Variants in SERPINA12 observed in about 807,000 individuals in gnomAD.
SERPINA12 encodes serpin family A member 12.
In SERPINA12, 21 loss-of-function variants were observed where a neutral mutation model predicts 25.9. The observed-to-expected ratio is 0.81, with a 90% CI of 0.58 to 1.17. The LOEUF is 1.17. Among genes scored for constraint, SERPINA12 ranks in the 50% most tolerant of loss-of-function variants. SERPINA12 has a pLI of 0.00. For missense variants in SERPINA12, 562 were observed against 508.3 expected, an observed-to-expected ratio of 1.11 and a Z score of -1.02; for synonymous variants, 220 against 196.0, an observed-to-expected ratio of 1.12 and a Z score of -1.02.
At chr14:94,497,511 G>A (rs374623154) in intron 2 of SERPINA12, among the ~76,000 whole-genome samples, 87 of 152,278 alleles carry the variant, frequency 5.7e-4, no homozygotes, top group African/African-American at 2.0e-3. Context: ...CCAATGTTGT[G>A]TTAGGATAAT....
chr14:94,509,834 A>G (rs938823144), upstream of SERPINA12, among the ~76,000 whole-genome samples: 2 of 152,142 alleles, frequency 1.3e-5, no homozygotes, highest in African/African-American at 4.8e-5. Flanking sequence ...ATCCCCTCCC[A>G]GCTCCACAGC....
rs1022273189 is a variant in SERPINA12 at position 94,499,355 on chromosome 14, C to T, written c.-33-925G>A. ...ACCTCTCAGCTTTGACATCTTCCAA[C>T]GGCCACTGTGAGCTTCTGGGAGACA... is the stretch of plus-strand genomic sequence containing the variant. On this transcript the variant is annotated intron_variant, in intron 1 of 4. Transcript: ENST00000677451. Among the ~76,000 whole-genome samples, 7 of 152,192 alleles carry T rather than the reference C, an allele frequency of 4.6e-5. No homozygotes were observed. In the East Asian group the frequency reaches 5.8e-4, roughly 13 times the overall value.
chr14:94,515,041 C>T (rs2139868953), intron 2 of SERPINA12, among the ~76,000 whole-genome samples: 1 of 152,302 alleles, frequency 6.6e-6, no homozygotes, highest in East Asian at 1.9e-4. Context: ...TGCTGCTGGG[C>T]CTGACTCAGT....
rs535622140 is a variant in SERPINA12, at chr14:94,498,117, G to A, written c.281C>T (p.Thr94Ile). The change falls in exon 2 of 5, where the codon ACC becomes ATC. Residue 94 changes from threonine (T) to isoleucine (I), a missense_variant. Thr to Ile is a moderately conservative substitution (Grantham distance 89). Coordinates refer to ENST00000677451, the MANE Select transcript of SERPINA12 (RefSeq NM_001382267.1). ...GAACCCCTGCTTGATCTCGTCCAGG[G>A]TGCTGTCCTGGGCACCCAGGCACAG... ...SMLCLGAQDS[T>I]LDEIKQGFNF... 6.2e-6 allele frequency: 10 copies of A among 1,613,990 alleles called. No individual in the cohort carries two copies. Among genetic ancestry groups the A allele is most frequent in the Non-Finnish European group, 7.6e-6 (9 of 1,180,040 alleles).
At chr14:94,497,735 T>TGGG in intron 2 of SERPINA12, 29 bp downstream of exon 2, 1 of 1,569,000 alleles carries the variant, frequency 6.4e-7, no homozygotes, top group Non-Finnish European at 8.6e-7. Context: ...CATCCTATTC[T>TGGG]TTCCACACCA....
intron 3 of SERPINA12, among the ~76,000 whole-genome samples, chr14:94,495,215 C>T (rs7158830): frequency 0.047 from 7,112 of 150,662 alleles, 588 homozygotes; most frequent in African/African-American, 0.17. Flanking sequence ...ACTACAGGCG[C>T]CCGCCACTAC....
Position 94,502,415 on chromosome 14 carries a change from C to T in SERPINA12, c.-33-3985G>A, listed in dbSNP as rs150591787. 9.0e-3 allele frequency among the ~76,000 whole-genome samples: 1,377 copies of T among 152,210 alleles called. 17 individuals carry two copies. The highest frequency in any genetic ancestry group is 0.03 in the African/African-American group (1,249 of 41,518). On this transcript the variant is annotated intron_variant, in intron 1 of 4. Transcript: ENST00000677451. ...ACTGCTTCCACCTCCCACACCGTCC[C>T]GATCAGCCAACTGAAGCAACAGTGA...
At chr14:94,502,785 C>A (rs1400961367) in intron 1 of SERPINA12, among the ~76,000 whole-genome samples, 1 of 152,218 alleles carries the variant, frequency 6.6e-6, no homozygotes, top group African/African-American at 2.4e-5. Flanking sequence ...ACCAACAGAG[C>A]GAGCTTCAGG....
chr14:94,501,666 G>GCCCCCCCCCCCCCC (rs1173332271), intron 1 of SERPINA12, among the ~76,000 whole-genome samples: 1 of 46,290 alleles, frequency 2.2e-5, no homozygotes, highest in African/African-American at 1.2e-4. Flanking sequence ...CCACCTCCCC[G>GCCCCCCCCCCCCCC]CCCCCCCACC....
At chr14:94,512,781 G>T (rs540472526), upstream of SERPINA12, among the ~76,000 whole-genome samples, 3 of 152,120 alleles carry the variant, frequency 2.0e-5, no homozygotes, top group South Asian at 6.2e-4. Flanking sequence ...ACCCAAATAG[G>T]GTTATCTGTT....
At chr14:94,516,316 A>G (rs1472403223) in intron 1 of SERPINA12, among the ~76,000 whole-genome samples, 1 of 152,154 alleles carries the variant, frequency 6.6e-6, no homozygotes, top group Non-Finnish European at 1.5e-5. Context: ...CCTGGGTATG[A>G]GTTGGGGCAG....
At chr14:94,500,235 C>T (rs1900656883) in intron 1 of SERPINA12, among the ~76,000 whole-genome samples, 1 of 152,240 alleles carries the variant, frequency 6.6e-6, no homozygotes, top group Non-Finnish European at 1.5e-5. Context: ...GTGAATACTG[C>T]TCATTGCTCC....
chr14:94,494,286 C>T (rs1185768977), intron 3 of SERPINA12, among the ~76,000 whole-genome samples: 4 of 152,312 alleles, frequency 2.6e-5, no homozygotes, highest in African/African-American at 9.6e-5. Flanking sequence ...CAGGCTGAAA[C>T]ACGTCAGTCC....
chr14:94,494,637 G>C (rs910376720), intron 3 of SERPINA12, among the ~76,000 whole-genome samples: 2 of 152,190 alleles, frequency 1.3e-5, no homozygotes, highest in East Asian at 3.8e-4. Flanking sequence ...AAGAGGGTCA[G>C]ATTTGCAGGA....
In SERPINA12 at chr14:94,498,230, G is replaced by T; in HGVS notation, c.168C>A (p.Gly56=). Reference sequence around the variant, plus strand: ...AGGCCAGCTTCTTGAGCAGCTTAAAGCCTAAGTCCATGTTCTGCCTTGCAA... The same window carrying T: ...AGGCCAGCTTCTTGAGCAGCTTAAATCCTAAGTCCATGTTCTGCCTTGCAA... ...KELARQNMDL[G]FKLLKKLAFY... is the part of the protein sequence containing the mutation. Residue 56 remains glycine, a synonymous_variant, in exon 2 of 5, where the codon GGC becomes GGA. Transcript: ENST00000677451. 6.2e-7 allele frequency: 1 copy of T among 1,614,198 alleles called. No individual in the cohort carries two copies. Among genetic ancestry groups the T allele is most frequent in the Non-Finnish European group, 8.5e-7 (1 of 1,180,042 alleles).
chr14:94,516,807 C>T (rs1901248282), intron 1 of SERPINA12, among the ~76,000 whole-genome samples: 2 of 152,158 alleles, frequency 1.3e-5, no homozygotes, highest in African/African-American at 4.8e-5. Context: ...GGTTCAGGTG[C>T]CCCTGTTTGG....
chr14:94,487,458 C>A lies in SERPINA12; in HGVS notation c.1090G>T (p.Gly364Cys), dbSNP rs760973985. Residue 364 changes from glycine to cysteine, a missense_variant, in exon 5 of 5, where the codon GGT (glycine) becomes TGT (cysteine). Transcript: ENST00000677451. The stretch of plus-strand genomic sequence containing the variant: ...CCGGTGCCAGCGGCCCCTTCCGTAC[C>A]CCTCTCATCCATCTTCAGCTCAGCC... ...HKAELKMDER[G>C]TEGAAGTGAQ... The A allele has an allele frequency of 6.2e-7, 1 of 1,613,862 alleles. No individual in the cohort carries two copies. The highest frequency in any genetic ancestry group is 2.2e-5 in the East Asian group (1 of 44,846).
chr14:94,491,934 C>G (rs1366635896), intron 3 of SERPINA12, among the ~76,000 whole-genome samples: 2 of 152,096 alleles, frequency 1.3e-5, no homozygotes, highest in Non-Finnish European at 2.9e-5. Context: ...AAGCTCTTAG[C>G]CTGTGAGCTC....
intron 1 of SERPINA12, among the ~76,000 whole-genome samples, chr14:94,507,602 A>AC (rs1334380397): frequency 6.6e-6 from 1 of 152,232 alleles, no homozygotes; most frequent in Non-Finnish European, 1.5e-5. Flanking sequence ...AAGGTGCTCG[A>AC]CATCATTAAT....
Sources: gnomAD v4.1 joint callset for allele counts (sites outside exome capture counted in the v4.1 genomes callset) on GRCh38, gnomAD v4.1.1 for gene constraint, MANE v1.5 for transcripts, NCBI Gene and HGNC (gene_info 2026-07-23, HGNC 2026-07-21) for gene names.